The following THEM4 variants were observed in gnomAD, a reference collection of about 807,000 sequenced individuals.
The protein encoded by THEM4 is thioesterase superfamily member 4.
In THEM4, 22 loss-of-function variants were observed where a neutral mutation model predicts 25.0. That is an observed-to-expected ratio of 0.88 (90% CI 0.63 to 1.26). The LOEUF (loss-of-function observed/expected upper bound fraction) is 1.26, where lower values mean the gene tolerates loss of function less well. Among genes scored for constraint, THEM4 ranks in the 50% most tolerant of loss-of-function variants. THEM4 has a pLI of 0.00. For synonymous variants in THEM4, 113 were observed against 105.6 expected, an observed-to-expected ratio of 1.07 and a Z score of -0.43; for missense variants, 286 against 300.3, an observed-to-expected ratio of 0.95 and a Z score of 0.35.
At chr1:151,889,163 A>C in intron 3 of THEM4, 51 bp downstream of exon 3, 1 of 1,516,164 alleles carries the variant, frequency 6.6e-7, no homozygotes, top group Non-Finnish European at 9.1e-7. Context: ...ACATGGGGGC[A>C]GTGTAAGATA....
At chr1:151,893,403 CAAAACAAA>C (rs1654138565) in intron 2 of THEM4, among the ~76,000 whole-genome samples, 1 of 118,668 alleles carries the variant, frequency 8.4e-6, no homozygotes, top group African/African-American at 3.3e-5. Context: ...AAAAAAACAA[CAAAACAAA>C]AAAACCCAAA....
intron 4 of THEM4, among the ~76,000 whole-genome samples, chr1:151,883,732 G>A (rs1241575852): frequency 6.6e-6 from 1 of 150,618 alleles, no homozygotes; most frequent in Non-Finnish European, 1.5e-5. Flanking sequence ...AGGTTCAAGC[G>A]ATTCTCCTGC....
Position 151,909,392 on chromosome 1 carries a change from G to T in THEM4, c.67C>A (p.Arg23Ser), listed in dbSNP as rs771588832. Residue 23 changes from arginine (R) to serine (S), a missense_variant, in exon 1 of 6, where the codon CGC becomes AGC. Transcript: ENST00000368814. ...GGTCGCGGCTCGCTTCCCGGCAGGC[G>T]CCGGCCTACTGGCGGCAGGCACAGA... ...GALCLPPVGR[R>S]LPGSEPRPEL... The T allele has an allele frequency of 1.5e-5, 22 of 1,504,820 alleles. No individual in the cohort carries two copies. In the South Asian group the frequency reaches 2.7e-4, roughly 18 times the overall value. The allele number at this position is 1,504,820 out of a possible 1,614,324, so 93.2% of individuals were successfully genotyped here.
Position 151,873,609 on chromosome 1 carries a change from T to C in THEM4, c.*1279A>G, listed in dbSNP as rs1653603642. ...CAATACCTCATAAGGTCACTTTATT[T>C]GGAAATACATTTTTTACAGAGGTAA... On this transcript the variant is annotated 3_prime_UTR_variant, in exon 6 of 6. Coordinates refer to ENST00000368814, the MANE Select transcript of THEM4 (RefSeq NM_053055.5). 6.6e-6 allele frequency: 1 copy of C among 152,236 alleles called. No homozygotes were observed. The highest frequency in any genetic ancestry group is 2.1e-4 in the South Asian group (1 of 4,834). 9.4% of individuals were successfully genotyped at this position (152,236 alleles called of 1,614,324 possible). A position where few individuals can be genotyped will look rare whatever the true frequency, so the allele number is the denominator to read the frequency against.
chr1:151,877,081 T>A lies in THEM4; in HGVS notation c.602A>T (p.Asp201Val). 1 of 1,613,668 alleles carries A rather than the reference T, an allele frequency of 6.2e-7. No homozygotes were observed. The highest frequency in any genetic ancestry group is 8.5e-7 in the Non-Finnish European group (1 of 1,179,826). The change falls in exon 5 of 6, where the codon GAT becomes GTT. Residue 201 changes from aspartate (D) to valine (V), a missense_variant. By Grantham distance (152) the Asp-to-Val change is radical. Coordinates refer to ENST00000368814, the MANE Select transcript of THEM4 (RefSeq NM_053055.5). ...CSVVMINSQL[D>V]KVEGRKFFVS... ...AAAAAATTTCCTTCCTTCAACTTTA[T>A]CAAGTTGGCTATTTATCATAACAAC...
intron 4 of THEM4, among the ~76,000 whole-genome samples, chr1:151,883,564 A>G (rs1373678569): frequency 6.6e-6 from 1 of 152,146 alleles, no homozygotes; most frequent in East Asian, 1.9e-4. Flanking sequence ...TTGGGTGGCG[A>G]CACAAAGCCA....
At chr1:151,902,135 G>A (rs1654366889) in intron 1 of THEM4, among the ~76,000 whole-genome samples, 1 of 152,234 alleles carries the variant, frequency 6.6e-6, no homozygotes, top group Non-Finnish European at 1.5e-5. Context: ...AACAGTAGAT[G>A]TTGCTGTGGA....
At chr1:151,907,696 C>A (rs1291002421) in intron 1 of THEM4, among the ~76,000 whole-genome samples, 1 of 152,210 alleles carries the variant, frequency 6.6e-6, no homozygotes, top group African/African-American at 2.4e-5. Flanking sequence ...CTCTCACTTT[C>A]ATTTCTGAGC....
chr1:151,905,406 C>CT (rs779252296), intron 1 of THEM4, among the ~76,000 whole-genome samples: 1,677 of 147,538 alleles, frequency 0.011, 28 homozygotes, highest in African/African-American at 0.037. Context: ...GAAGAAAGTC[C>CT]TTTTTTTTTT....
intron 4 of THEM4, 136 bp from the exon 5 acceptor site, chr1:151,877,261 A>C: frequency 1.2e-6 from 1 of 866,158 alleles, no homozygotes; most frequent in East Asian, 2.9e-5. Context: ...CTTAGACAAT[A>C]CATTCCTCAA....
intron 3 of THEM4, among the ~76,000 whole-genome samples, 174 bp downstream of exon 3, chr1:151,889,040 T>C (rs953931565): frequency 6.6e-6 from 1 of 151,882 alleles, no homozygotes; most frequent in African/African-American, 2.4e-5. Context: ...TAATCAATAT[T>C]AATAATATAG....
intron 1 of THEM4, among the ~76,000 whole-genome samples, chr1:151,907,999 G>T (rs1654509756): frequency 6.6e-6 from 1 of 152,192 alleles, no homozygotes; most frequent in Admixed American, 6.5e-5. Context: ...CCAGGTGCCT[G>T]CAGTCTCCCC....
In THEM4 at chr1:151,876,969, A is replaced by G. The variant is rs745359068; in HGVS notation, c.682+32T>C. ...AAAACTCCCAACCCAACCCAACTAA[A>G]CCCCAAGAAAGAGATAAGACCAGCT... On this transcript the variant is annotated intron_variant, in intron 5 of 5. Coordinates refer to ENST00000368814, the MANE Select transcript of THEM4 (RefSeq NM_053055.5). 8.2e-6 allele frequency: 13 copies of G among 1,575,816 alleles called. No individual in the cohort carries two copies. The South Asian group carries it at 1.6e-4, about 19-fold the overall frequency.
Position 151,877,129 on chromosome 1 carries a change from C to T in THEM4, c.558-4G>A. 6.3e-7 allele frequency: 1 copy of T among 1,595,238 alleles called. No individual in the cohort carries two copies. Among genetic ancestry groups the T allele is most frequent in the East Asian group, 2.2e-5 (1 of 44,764 alleles). On this transcript the variant is annotated splice_polypyrimidine_tract_variant and splice_region_variant and intron_variant, in intron 4 of 5. Coordinates refer to ENST00000368814, the MANE Select transcript of THEM4 (RefSeq NM_053055.5). ...AACAGAACAAAGAGGGATAGGTCTG[C>T]AGAATAAAATGAAAAAGGAAAAAAA... is the stretch of plus-strand genomic sequence containing the variant.
At chr1:151,882,115 C>T (rs1043404645) in intron 4 of THEM4, among the ~76,000 whole-genome samples, 1 of 151,604 alleles carries the variant, frequency 6.6e-6, no homozygotes, top group African/African-American at 2.4e-5. Flanking sequence ...TGGTGGCTCA[C>T]GCCTGTAATC....
intron 4 of THEM4, among the ~76,000 whole-genome samples, chr1:151,880,655 A>G (rs1350112007): frequency 6.6e-6 from 1 of 152,146 alleles, no homozygotes; most frequent in Non-Finnish European, 1.5e-5. Context: ...AGCCTTCTCT[A>G]TCCCCAATAT....
rs572869791 is a variant in THEM4, at chr1:151,873,236, A to C, written c.*1652T>G. Reference sequence around the variant, plus strand: ...TTGTAACACAGATTCCTTTGCTCACAGATTTTCCTGCTGACCTTCTCCCCA... The same window carrying C: ...TTGTAACACAGATTCCTTTGCTCACCGATTTTCCTGCTGACCTTCTCCCCA... On this transcript the variant is annotated 3_prime_UTR_variant, in exon 6 of 6. Transcript: ENST00000368814. Among the ~76,000 whole-genome samples, 19 of 152,278 alleles carry C rather than the reference A, an allele frequency of 1.2e-4. No homozygotes were observed. In the East Asian group the frequency reaches 3.7e-3, roughly 29 times the overall value.
chr1:151,905,189 G>A (rs1253956753), intron 1 of THEM4, among the ~76,000 whole-genome samples: 1 of 152,214 alleles, frequency 6.6e-6, no homozygotes, highest in East Asian at 1.9e-4. Flanking sequence ...GGAGAACAGG[G>A]TGGAGCCACA....
intron 1 of THEM4, among the ~76,000 whole-genome samples, chr1:151,901,857 CA>C (rs957314626): frequency 4.0e-5 from 6 of 150,692 alleles, no homozygotes; most frequent in South Asian, 4.2e-4. Context: ...AAAAAACAAA[CA>C]AAAAAAAAAA....
Sources: allele counts gnomAD v4.1 joint callset (sites outside exome capture counted in the v4.1 genomes callset), GRCh38; gene constraint gnomAD v4.1.1; transcripts MANE v1.5; gene names NCBI Gene and HGNC (gene_info 2026-07-23, HGNC 2026-07-21).